OSMR: variants seen among roughly 807,000 people sequenced by gnomAD.
OSMR encodes oncostatin M receptor, also known as oncostatin-M-specific receptor subunit beta.
A neutral mutation model predicts 99.9 loss-of-function variants in OSMR; 81 were observed. The observed-to-expected ratio is 0.81, with a 90% CI of 0.68 to 0.97. The LOEUF (loss-of-function observed/expected upper bound fraction) is 0.97, where lower values mean the gene tolerates loss of function less well. OSMR is among the 50% of genes least tolerant of loss of function. The probability of loss-of-function intolerance (pLI) is 0.00; values close to 1 mark genes in which losing one functional copy is unlikely to be tolerated. For synonymous variants in OSMR, 406 were observed against 410.4 expected (o/e 0.99, Z 0.13); for missense variants, 1,099 against 1,153.4 (o/e 0.95, Z 0.68).
downstream of OSMR, among the ~76,000 whole-genome samples, chr5:38,936,375 A>T (rs1359239625): frequency 6.6e-6 from 1 of 152,104 alleles, no homozygotes; most frequent in African/African-American, 2.4e-5. Flanking sequence ...CCTTAAAAAA[A>T]ATCAATCAGG....
chr5:38,909,013 C>G (rs968259008), intron 9 of OSMR, among the ~76,000 whole-genome samples: 1 of 152,072 alleles, frequency 6.6e-6, no homozygotes, highest in Non-Finnish European at 1.5e-5. Context: ...TCCGAGGAAT[C>G]TAAGGAATAC....
At chr5:38,883,309 G>T (rs960270877) in intron 4 of OSMR, among the ~76,000 whole-genome samples, 24 of 152,240 alleles carry the variant, frequency 1.6e-4, no homozygotes, top group Admixed American at 7.8e-4. Flanking sequence ...TCGCATTTCT[G>T]AGAAGGTAGG....
chr5:38,876,252 A>G lies in OSMR; in HGVS notation c.125A>G (p.Asn42Ser), dbSNP rs1193757180. 2 of 1,613,716 alleles carry G rather than the reference A, an allele frequency of 1.2e-6. No homozygotes were observed. The highest frequency in any genetic ancestry group is 1.7e-6 in the Non-Finnish European group (2 of 1,179,846). ...LTPVSLKVSTNSTRQSLHLQW... is the reference protein window; with the variant it reads ...LTPVSLKVSTSSTRQSLHLQW... ...CCTGTATCACTTAAAGTTTCCACCA[A>G]TTCTACGCGTCAGAGTTTGCACTTA... The change falls in exon 3 of 18, where the codon AAT becomes AGT. Residue 42 changes from asparagine (N) to serine (S), a missense_variant. Asn to Ser is a conservative substitution (Grantham distance 46). Transcript: ENST00000274276.
chr5:38,892,964 G>C (rs1182675581), intron 7 of OSMR, among the ~76,000 whole-genome samples: 2 of 152,056 alleles, frequency 1.3e-5, no homozygotes, highest in East Asian at 3.9e-4. Flanking sequence ...GGTATTTGTG[G>C]GCAAGCCAGG....
intron 1 of OSMR, among the ~76,000 whole-genome samples, chr5:38,865,709 G>A (rs1741883588): frequency 6.6e-6 from 1 of 152,252 alleles, no homozygotes; most frequent in Non-Finnish European, 1.5e-5. Context: ...GTGGTAGTGG[G>A]GTTGGATGGG....
rs1440304027 is a variant in OSMR, at chr5:38,871,423, C to T, written c.73+2306C>T. 4.6e-5 allele frequency among the ~76,000 whole-genome samples: 7 copies of T among 152,354 alleles called. No individual in the cohort carries two copies. The South Asian group carries it at 1.5e-3, about 32-fold the overall frequency. On this transcript the variant is annotated intron_variant, in intron 2 of 17. Coordinates refer to ENST00000274276, the MANE Select transcript of OSMR (RefSeq NM_003999.3). ...TAATTAATCCTGTCTTTGCCCTGAC[C>T]TGTACTATTTGGATTTCTTGTCTCA...
intron 9 of OSMR, among the ~76,000 whole-genome samples, chr5:38,913,549 CAAAAA>C (rs528979345): frequency 2.4e-5 from 3 of 123,670 alleles, no homozygotes; most frequent in Admixed American, 8.7e-5. Flanking sequence ...GACTCCATCT[CAAAAA>C]AAAAAAAAAA....
rs971065456 is a variant in OSMR, at chr5:38,875,419, A to T, written c.74-782A>T. On this transcript the variant is annotated intron_variant, in intron 2 of 17. Coordinates refer to ENST00000274276, the MANE Select transcript of OSMR (RefSeq NM_003999.3). ...CTGCTTAAACCTCTGTGTGCAAGCC[A>T]TTTGCAGTGGCGCCATTGGTGGTTT... 2.0e-5 allele frequency among the ~76,000 whole-genome samples: 3 copies of T among 152,222 alleles called. No homozygotes were observed. In the East Asian group the frequency reaches 5.8e-4, roughly 29 times the overall value.
intron 1 of OSMR, among the ~76,000 whole-genome samples, chr5:38,863,034 T>A (rs1238423722): frequency 6.6e-6 from 1 of 151,596 alleles, no homozygotes; most frequent in Non-Finnish European, 1.5e-5. Flanking sequence ...CGTGGCGGCG[T>A]GCGCCTGCAA....
At chr5:38,850,400 C>G (rs2112012465) in intron 1 of OSMR, among the ~76,000 whole-genome samples, 1 of 152,312 alleles carries the variant, frequency 6.6e-6, no homozygotes, top group African/African-American at 2.4e-5. Context: ...CTTCCTTCTT[C>G]TCTCCCTCTC....
At chr5:38,931,804 C>T in intron 15 of OSMR, 79 bp from the exon 16 acceptor site, 1 of 1,570,292 alleles carries the variant, frequency 6.4e-7, no homozygotes, top group Non-Finnish European at 8.7e-7. Context: ...AAATTACTTT[C>T]AATCATAAAC....
At chr5:38,877,220 C>A (rs1270203669) in intron 3 of OSMR, among the ~76,000 whole-genome samples, 1 of 152,202 alleles carries the variant, frequency 6.6e-6, no homozygotes, top group Non-Finnish European at 1.5e-5. Context: ...CTTGGGCCCT[C>A]TGTCAGCTCA....
chr5:38,922,817 C>T lies in OSMR; in HGVS notation c.1766-333C>T, dbSNP rs114079248. Among the ~76,000 whole-genome samples, 398 of 152,144 alleles carry T rather than the reference C, an allele frequency of 2.6e-3. 1 individual carries two copies. The highest frequency in any genetic ancestry group is 9.2e-3 in the African/African-American group (380 of 41,486). ...GGGGAACAGACTGTTGCTGTGTTAC[C>T]CAGGCTGGAGTGCAGTGGCTTGATC... On this transcript the variant is annotated intron_variant, in intron 12 of 17. Transcript: ENST00000274276.
At chr5:38,867,647 A>C (rs940499502) in intron 1 of OSMR, among the ~76,000 whole-genome samples, 1 of 152,232 alleles carries the variant, frequency 6.6e-6, no homozygotes, top group Non-Finnish European at 1.5e-5. Flanking sequence ...AAAGTACCTG[A>C]TGAATCAGTG....
At chr5:38,849,458 C>CT (rs1218655594) in intron 1 of OSMR, among the ~76,000 whole-genome samples, 4 of 138,836 alleles carry the variant, frequency 2.9e-5, no homozygotes, top group Non-Finnish European at 4.8e-5. Context: ...TTTCATTGAT[C>CT]TTTTTTTTTG....
At chr5:38,900,633 T>A (rs1352623240) in intron 7 of OSMR, among the ~76,000 whole-genome samples, 1 of 152,230 alleles carries the variant, frequency 6.6e-6, no homozygotes, top group African/African-American at 2.4e-5. Context: ...CAAAGGTTTT[T>A]AAAGAAACAA....
At chr5:38,872,809 T>A (rs575033311) in intron 2 of OSMR, among the ~76,000 whole-genome samples, 1 of 152,288 alleles carries the variant, frequency 6.6e-6, no homozygotes, top group East Asian at 1.9e-4. Context: ...TAAAATGGGG[T>A]ACATGTTCCA....
At chr5:38,859,738 T>A (rs1741128112) in intron 1 of OSMR, among the ~76,000 whole-genome samples, 1 of 82,034 alleles carries the variant, frequency 1.2e-5, no homozygotes, top group African/African-American at 3.6e-5. Context: ...GAGAATGTAT[T>A]TGTTTGTGTT....
At chr5:38,850,621 G>A (rs999185039) in intron 1 of OSMR, among the ~76,000 whole-genome samples, 1 of 152,172 alleles carries the variant, frequency 6.6e-6, no homozygotes, top group Non-Finnish European at 1.5e-5. Flanking sequence ...AGTGGCTTCT[G>A]CAAATAGAAA....
Sources: allele counts gnomAD v4.1 joint callset (sites outside exome capture counted in the v4.1 genomes callset), GRCh38; gene constraint gnomAD v4.1.1; transcripts MANE v1.5; gene names NCBI Gene and HGNC (gene_info 2026-07-23, HGNC 2026-07-21).